The following DNAH12 variants were observed in gnomAD, a reference collection of about 807,000 sequenced individuals.
The protein encoded by DNAH12 is dynein axonemal heavy chain 12, also known as axonemal beta dynein heavy chain 12.
A neutral mutation model predicts 371.5 loss-of-function variants in DNAH12; 285 were observed. The observed-to-expected ratio is 0.77, with a 90% CI of 0.70 to 0.85. The LOEUF is 0.85. Ranked by LOEUF, DNAH12 falls within the 40% of genes least tolerant of loss-of-function variation. The pLI, the probability that DNAH12 is intolerant of heterozygous loss-of-function variation, is 0.00. For missense variants in DNAH12, 3,611 were observed against 3,689.4 expected, an observed-to-expected ratio of 0.98 and a Z score of 0.55; for synonymous variants, 1,200 against 1,213.0, an observed-to-expected ratio of 0.99 and a Z score of 0.22.
At chr3:57,302,794 T>C (rs2107658322) in intron 69 of DNAH12, among the ~76,000 whole-genome samples, 1 of 148,826 alleles carries the variant, frequency 6.7e-6, no homozygotes, top group Non-Finnish European at 1.5e-5. Context: ...CAGGCTGGTC[T>C]CGAACTCCTG....
chr3:57,508,784 G>C (rs565988921), intron 6 of DNAH12, among the ~76,000 whole-genome samples: 54 of 152,296 alleles, frequency 3.5e-4, no homozygotes, highest in Non-Finnish European at 5.1e-4. Flanking sequence ...TGATGGGCCA[G>C]ATCTGAGAGC....
chr3:57,330,869 A>C (rs1340060961), intron 62 of DNAH12, among the ~76,000 whole-genome samples: 1 of 152,022 alleles, frequency 6.6e-6, no homozygotes, highest in African/African-American at 2.4e-5. Context: ...TTCCACAATC[A>C]CACCAGCCAA....
chr3:57,511,435 A>G (rs751934516), intron 4 of DNAH12, among the ~76,000 whole-genome samples: 8 of 152,220 alleles, frequency 5.3e-5, no homozygotes, highest in Non-Finnish European at 8.8e-5. Context: ...AAGAATGAAT[A>G]GTCTCACTAA....
intron 60 of DNAH12, among the ~76,000 whole-genome samples, chr3:57,347,402 T>A (rs533310834): frequency 6.6e-6 from 1 of 152,176 alleles, no homozygotes; most frequent in Non-Finnish European, 1.5e-5. Flanking sequence ...AACCATATGA[T>A]CCTATCAAAA....
At chr3:57,466,189 A>G (rs1559690270) in intron 17 of DNAH12, among the ~76,000 whole-genome samples, 1 of 152,168 alleles carries the variant, frequency 6.6e-6, no homozygotes, top group African/African-American at 2.4e-5. Context: ...CAAAACAAAG[A>G]AAGAAAATAA....
intron 39 of DNAH12, among the ~76,000 whole-genome samples, chr3:57,409,611 C>T (rs1466170138): frequency 6.6e-6 from 1 of 151,998 alleles, no homozygotes; most frequent in Non-Finnish European, 1.5e-5. Context: ...AGGAGAGTGA[C>T]TATCTTCTGA....
chr3:57,302,568 T>TATATATA (rs1491312065), intron 69 of DNAH12, among the ~76,000 whole-genome samples: 30 of 48,550 alleles, frequency 6.2e-4, no homozygotes, highest in African/African-American at 1.0e-3. Context: ...TATATATGTA[T>TATATATA]TTTTTTTTTT....
intron 62 of DNAH12, among the ~76,000 whole-genome samples, chr3:57,328,447 C>A: frequency 7.1e-6 from 1 of 140,360 alleles, no homozygotes; most frequent in East Asian, 2.2e-4. Context: ...TAAACAGAAC[C>A]AAAGACAAAA....
At chr3:57,318,472 G>T (rs955402062) in intron 65 of DNAH12, among the ~76,000 whole-genome samples, 9 of 151,996 alleles carry the variant, frequency 5.9e-5, no homozygotes, top group African/African-American at 2.2e-4. Context: ...GACCTTATAT[G>T]TGTAGATTGA....
chr3:57,416,180 C>T lies in DNAH12; in HGVS notation c.5715-616G>A, dbSNP rs1456849861. 2.0e-5 allele frequency among the ~76,000 whole-genome samples: 3 copies of T among 151,982 alleles called. No homozygotes were observed. In the East Asian group the frequency reaches 5.8e-4, roughly 29 times the overall value. On this transcript the variant is annotated intron_variant, in intron 37 of 73. Transcript: ENST00000495027. The stretch of plus-strand genomic sequence containing the variant: ...CTCACTGCAGCCTTGAACTTCTGGG[C>T]TCAAGTGATCCTCCTGCCTCAGCTT...
intron 59 of DNAH12, among the ~76,000 whole-genome samples, chr3:57,355,935 A>C (rs1425240705): frequency 4.6e-5 from 7 of 152,190 alleles, no homozygotes; most frequent in African/African-American, 1.7e-4. Flanking sequence ...AAATTATCTC[A>C]TTTAATTCTC....
intron 33 of DNAH12, 65 bp from the exon 34 acceptor site, chr3:57,428,886 C>T: frequency 7.1e-7 from 1 of 1,418,234 alleles, no homozygotes; most frequent in Non-Finnish European, 9.4e-7. Flanking sequence ...CAATTATCAA[C>T]TATTTCTTAA....
At chr3:57,515,088 G>A (rs1168871432) in intron 4 of DNAH12, among the ~76,000 whole-genome samples, 1 of 152,142 alleles carries the variant, frequency 6.6e-6, no homozygotes, top group Non-Finnish European at 1.5e-5. Flanking sequence ...ACCCTGGGAT[G>A]TTACTGGAAT....
chr3:57,328,366 T>A, intron 62 of DNAH12, among the ~76,000 whole-genome samples: 7 of 143,062 alleles, frequency 4.9e-5, no homozygotes, highest in Admixed American at 2.8e-4. Context: ...TCCACCATGA[T>A]CAAGTGGGCT....
At chr3:57,434,639 A>G (rs13070695) in intron 30 of DNAH12, among the ~76,000 whole-genome samples, 104,364 of 151,946 alleles carry the variant, frequency 0.69, 36,034 homozygotes, top group South Asian at 0.8. Flanking sequence ...TAAAGGCCAG[A>G]TTGTGAGTGA....
intron 12 of DNAH12, among the ~76,000 whole-genome samples, chr3:57,488,581 G>A (rs1274962037): frequency 6.6e-6 from 1 of 152,112 alleles, no homozygotes; most frequent in Non-Finnish European, 1.5e-5. Context: ...ACTAGTTAAT[G>A]GCAATCAGTA....
At chr3:57,479,069 T>A (rs1160793223) in intron 13 of DNAH12, among the ~76,000 whole-genome samples, 17 of 152,090 alleles carry the variant, frequency 1.1e-4, no homozygotes, top group Admixed American at 1.1e-3. Flanking sequence ...AATTCACACA[T>A]AACAATATTA....
intron 50 of DNAH12, among the ~76,000 whole-genome samples, chr3:57,381,422 A>G (rs1460170926): frequency 6.6e-6 from 1 of 152,198 alleles, no homozygotes; most frequent in Non-Finnish European, 1.5e-5. Context: ...AATTCAGTTT[A>G]GAATGGATAC....
rs1575559579 is a variant in DNAH12, at chr3:57,408,479, G to A, written c.6077C>T (p.Ala2026Val). 13 of 1,551,448 alleles carry A rather than the reference G, an allele frequency of 8.4e-6. No individual in the cohort carries two copies. Among genetic ancestry groups the A allele is most frequent in the Non-Finnish European group, 1.1e-5 (13 of 1,146,864 alleles). The change falls in exon 40 of 74, where the codon GCA becomes GTA. Residue 2026 changes from alanine (A) to valine (V), a missense_variant. Physicochemically the swap from Ala to Val is moderately conservative, Grantham distance 64. Around this residue, in one of 3 missense-constraint regions of DNAH12, gnomAD observed 2,266 missense variants for 2,236.9 expected, o/e 1.01. Transcript: ENST00000495027. ...TCTTCCACCACCTGGAGGGCCCATTGCAGCAATCAGCTCTATGTCCACCAG... is the reference window on the plus strand; with the variant it reads ...TCTTCCACCACCTGGAGGGCCCATTACAGCAATCAGCTCTATGTCCACCAG... ...ITLVDIELIA[A>V]MGPPGGGRNP...
Sources: gnomAD v4.1 joint callset for allele counts (sites outside exome capture counted in the v4.1 genomes callset) on GRCh38, gnomAD v4.1.1 for gene constraint, gnomAD v4.1.1 regional missense constraint, MANE v1.5 for transcripts, NCBI Gene and HGNC (gene_info 2026-07-23, HGNC 2026-07-21) for gene names.